The following ITPR2 variants were observed in gnomAD, a reference collection of about 807,000 sequenced individuals.
ITPR2 encodes inositol 1,4,5-trisphosphate receptor type 2, also known as inositol 1,4,5-trisphosphate-gated calcium channel ITPR2.
ITPR2 carries 207 observed loss-of-function variants against 317.1 expected under a neutral mutation model. The ratio of observed to expected loss-of-function variants is 0.65; its 90% CI spans 0.58 to 0.73. ITPR2 has a LOEUF of 0.73. ITPR2 is among the 30% of genes least tolerant of loss of function. The pLI, the probability that ITPR2 is intolerant of heterozygous loss-of-function variation, is 0.00. For missense variants in ITPR2, 2,613 were observed against 3,284.0 expected (o/e 0.80, Z 4.99); for synonymous variants, 1,156 against 1,149.1 (o/e 1.01, Z -0.12).
At chr12:26,473,198 C>T (rs972024093) in intron 45 of ITPR2, among the ~76,000 whole-genome samples, 2 of 152,148 alleles carry the variant, frequency 1.3e-5, no homozygotes, top group African/African-American at 4.8e-5. Flanking sequence ...GTATCCTCTA[C>T]TTTTATGCTT....
chr12:26,741,324 G>A (rs1032298238), intron 2 of ITPR2, among the ~76,000 whole-genome samples: 1 of 152,200 alleles, frequency 6.6e-6, no homozygotes, highest in Non-Finnish European at 1.5e-5. Flanking sequence ...AATTAGAAAC[G>A]TTCTCAACTG....
chr12:26,442,277 C>G (rs892849211), intron 46 of ITPR2, among the ~76,000 whole-genome samples: 1 of 152,094 alleles, frequency 6.6e-6, no homozygotes, highest in Non-Finnish European at 1.5e-5. Context: ...CGCTCAGGCA[C>G]CACTAATTAT....
At chr12:26,693,776 G>C (rs191592407) in intron 10 of ITPR2, among the ~76,000 whole-genome samples, 79 of 152,306 alleles carry the variant, frequency 5.2e-4, no homozygotes, top group Non-Finnish European at 1.0e-3. Flanking sequence ...TAGTAGAAAG[G>C]AGATGCGCAC....
intron 48 of ITPR2, among the ~76,000 whole-genome samples, chr12:26,435,503 A>G (rs992394952): frequency 5.3e-5 from 8 of 152,084 alleles, no homozygotes; most frequent in Non-Finnish European, 1.0e-4. Context: ...TATTTACCAG[A>G]TTGTAGCCCA....
intron 54 of ITPR2, among the ~76,000 whole-genome samples, chr12:26,388,502 T>TC (rs1490161100): frequency 6.6e-6 from 1 of 152,164 alleles, no homozygotes; most frequent in African/African-American, 2.4e-5. Context: ...TCTCACTCTG[T>TC]TTCCCAGGCT....
At chr12:26,387,840 T>A (rs1939709908) in intron 54 of ITPR2, among the ~76,000 whole-genome samples, 1 of 152,170 alleles carries the variant, frequency 6.6e-6, no homozygotes, top group African/African-American at 2.4e-5. Flanking sequence ...CACAGTCCTG[T>A]AATAGATGAA....
At chr12:26,482,377 T>C (rs1942561506) in intron 42 of ITPR2, among the ~76,000 whole-genome samples, 1 of 152,364 alleles carries the variant, frequency 6.6e-6, no homozygotes, top group Middle Eastern at 3.4e-3. Context: ...TATTTGGTTT[T>C]AGTAAATTAC....
intron 1 of ITPR2, among the ~76,000 whole-genome samples, chr12:26,817,419 C>T (rs1031230936): frequency 1.3e-5 from 2 of 152,170 alleles, no homozygotes; most frequent in Non-Finnish European, 2.9e-5. Flanking sequence ...TACATCTTTT[C>T]TAGGCCTAAA....
intron 37 of ITPR2, among the ~76,000 whole-genome samples, chr12:26,504,243 A>G (rs961932668): frequency 6.6e-6 from 1 of 152,208 alleles, no homozygotes; most frequent in African/African-American, 2.4e-5. Context: ...AGTTATTATC[A>G]GCAACAATTG....
At chr12:26,413,216 T>C (rs1442726664) in intron 51 of ITPR2, among the ~76,000 whole-genome samples, 1 of 152,236 alleles carries the variant, frequency 6.6e-6, no homozygotes, top group Non-Finnish European at 1.5e-5. Flanking sequence ...ATTCCTCTGG[T>C]CCTGCAGGCA....
chr12:26,827,390 C>T (rs775018765), intron 1 of ITPR2, among the ~76,000 whole-genome samples: 3 of 152,058 alleles, frequency 2.0e-5, no homozygotes, highest in Admixed American at 6.6e-5. Context: ...AGGAGAAATG[C>T]CAATCTTTGC....
chr12:26,716,159 G>T lies in ITPR2; in HGVS notation c.609C>A (p.Asn203Lys). 1 of 1,612,072 alleles carries T rather than the reference G, an allele frequency of 6.2e-7. No homozygotes were observed. The highest frequency in any genetic ancestry group is 2.2e-5 in the East Asian group (1 of 44,814). The change falls in exon 6 of 57, where the codon AAC (asparagine) becomes AAA (lysine). Residue 203 changes from asparagine to lysine, a missense_variant. Around this residue, in one of 9 missense-constraint regions of ITPR2, gnomAD observed 515 missense variants for 789.4 expected, o/e 0.65. Transcript: ENST00000381340. ...LHASNIELLD[N>K]PGCKEVNAVN... ...TTGAACTTACCTCTTTACACCCTGG[G>T]TTATCAAGAAGCTCTATGTTGCTGG...
intron 2 of ITPR2, among the ~76,000 whole-genome samples, chr12:26,784,244 A>T (rs1361307849): frequency 6.9e-6 from 1 of 144,014 alleles, no homozygotes; most frequent in East Asian, 2.1e-4. Context: ...TTTCTCTTTT[A>T]AAAATGGAGA....
intron 21 of ITPR2, among the ~76,000 whole-genome samples, chr12:26,642,888 C>T (rs1468990202): frequency 6.6e-6 from 1 of 152,058 alleles, no homozygotes; most frequent in Non-Finnish European, 1.5e-5. Flanking sequence ...AGGTCTACTC[C>T]CCAAGCTGCT....
At chr12:26,585,491 G>A (rs568488733) in intron 32 of ITPR2, among the ~76,000 whole-genome samples, 96 of 152,128 alleles carry the variant, frequency 6.3e-4, no homozygotes, top group African/African-American at 1.8e-3. Flanking sequence ...TGCAACCTCC[G>A]CCTCCCAGGT....
At position 26,599,256 on chromosome 12, in the gene ITPR2, C is replaced by T. The variant is rs2136736214; in HGVS notation, c.3891G>A (p.Val1297=). Residue 1297 remains valine (V), a synonymous_variant, in exon 30 of 57, where the codon GTG becomes GTA. Transcript: ENST00000381340. ...EISERVVQHF[V]HCIETHGRHV... is the part of the protein sequence containing the mutation. ...GGCGGCCATGTGTCTCAATGCAGTG[C>T]ACAAAGTGTTGTACAACTCTCTCGC... 1 of 1,614,000 alleles carries T rather than the reference C, an allele frequency of 6.2e-7. No homozygotes were observed. The highest frequency in any genetic ancestry group is 8.5e-7 in the Non-Finnish European group (1 of 1,179,880).
chr12:26,497,927 A>T (rs961461614), intron 37 of ITPR2, among the ~76,000 whole-genome samples: 4 of 151,494 alleles, frequency 2.6e-5, no homozygotes, highest in Non-Finnish European at 4.4e-5. Flanking sequence ...TACAGACTGG[A>T]TTTCACCATG....
rs535669581 is a variant in ITPR2 at position 26,580,588 on chromosome 12, C to T, written c.4381-433G>A. Among the ~76,000 whole-genome samples the T allele has an allele frequency of 3.9e-5, 6 of 152,288 alleles. No individual in the cohort carries two copies. The East Asian group carries it at 1.2e-3, about 29-fold the overall frequency. The stretch of plus-strand genomic sequence containing the variant: ...CAAACATTTTCACTCCCAACCCTCA[C>T]TCAAATTGGAGGACACAAACACAGA... On this transcript the variant is annotated intron_variant, in intron 32 of 56. Coordinates refer to ENST00000381340, the MANE Select transcript of ITPR2 (RefSeq NM_002223.4).
At chr12:26,479,443 T>C (rs932542779) in intron 43 of ITPR2, among the ~76,000 whole-genome samples, 1 of 152,154 alleles carries the variant, frequency 6.6e-6, no homozygotes, top group Admixed American at 6.5e-5. Flanking sequence ...CCATTAAGTT[T>C]AATTAATTAC....
Sources: gnomAD v4.1 joint callset for allele counts (sites outside exome capture counted in the v4.1 genomes callset) on GRCh38, gnomAD v4.1.1 for gene constraint, gnomAD v4.1.1 regional missense constraint, MANE v1.5 for transcripts, NCBI Gene and HGNC (gene_info 2026-07-23, HGNC 2026-07-21) for gene names.